TBX15: variants seen among roughly 807,000 people sequenced by gnomAD.
TBX15 encodes T-box transcription factor 15.
TBX15 carries 18 observed loss-of-function variants against 53.9 expected under a neutral mutation model. The ratio of observed to expected loss-of-function variants is 0.33; its 90% CI spans 0.23 to 0.49. The LOEUF (loss-of-function observed/expected upper bound fraction) is 0.49, where lower values mean the gene tolerates loss of function less well. Ranked by LOEUF, TBX15 falls within the 20% of genes least tolerant of loss-of-function variation. The pLI is 0.98. For synonymous variants in TBX15, 295 were observed against 278.0 expected (o/e 1.06, Z -0.61); for missense variants, 692 against 749.5 (o/e 0.92, Z 0.90).
At chr1:118,971,467 T>C (rs1226245845) in intron 1 of TBX15, among the ~76,000 whole-genome samples, 1 of 152,208 alleles carries the variant, frequency 6.6e-6, no homozygotes, top group Non-Finnish European at 1.5e-5. Context: ...GTTTTACAAA[T>C]GTTAACTGAG....
At position 118,969,636 on chromosome 1, in the gene TBX15, G is replaced by A. The variant is rs562399842; in HGVS notation, c.205+17955C>T. 4.0e-3 allele frequency among the ~76,000 whole-genome samples: 612 copies of A among 152,224 alleles called. 1 individual carries two copies. Among genetic ancestry groups the A allele is most frequent in the African/African-American group, 0.014 (566 of 41,528 alleles). ...AGAATAAGAACCATGTTGGAGTGGC[G>A]TTCTCCCAGAAGACACTAGGTCATT... On this transcript the variant is annotated intron_variant, in intron 1 of 7. Transcript: ENST00000369429.
intron 2 of TBX15, 48 bp from the exon 3 acceptor site, chr1:118,926,659 G>A: frequency 6.7e-7 from 1 of 1,493,478 alleles, no homozygotes; most frequent in African/African-American, 1.4e-5. Context: ...GGTGGGAGAA[G>A]TAGCAGGGGT....
At chr1:118,979,812 C>T (rs1345269600) in intron 1 of TBX15, among the ~76,000 whole-genome samples, 1 of 152,174 alleles carries the variant, frequency 6.6e-6, no homozygotes, top group Non-Finnish European at 1.5e-5. Context: ...CGCGATAACC[C>T]CGGGCGCACG....
chr1:118,924,184 A>T (rs576690557), intron 4 of TBX15, among the ~76,000 whole-genome samples: 19 of 152,346 alleles, frequency 1.2e-4, no homozygotes, highest in African/African-American at 3.6e-4. Flanking sequence ...ACTGCCAAAG[A>T]TAAATTAATA....
chr1:118,884,300 T>C lies in TBX15; in HGVS notation c.*432A>G, dbSNP rs1653838999. 4.9e-6 allele frequency: 1 copy of C among 203,906 alleles called. No homozygotes were observed. Among genetic ancestry groups the C allele is most frequent in the Admixed American group, 5.3e-5 (1 of 18,946 alleles). The allele number at this position is 203,906 out of a possible 1,614,324, so 12.6% of individuals were successfully genotyped here. On this transcript the variant is annotated 3_prime_UTR_variant, in exon 8 of 8. Coordinates refer to ENST00000369429, the MANE Select transcript of TBX15 (RefSeq NM_001330677.2). ...CCAGTTCAGAGTCAGTGTGCATGTATGATTGCATGTGTATGAATTGTGTAT... is the reference window on the plus strand; with the variant it reads ...CCAGTTCAGAGTCAGTGTGCATGTACGATTGCATGTGTATGAATTGTGTAT...
intron 1 of TBX15, among the ~76,000 whole-genome samples, chr1:118,951,850 C>T (rs1656525130): frequency 6.6e-6 from 1 of 152,234 alleles, no homozygotes; most frequent in South Asian, 2.1e-4. Flanking sequence ...CCTGTGCCAT[C>T]CCTGGGCAAG....
intron 1 of TBX15, among the ~76,000 whole-genome samples, chr1:118,959,556 T>A (rs903496805): frequency 2.0e-5 from 3 of 152,184 alleles, no homozygotes; most frequent in African/African-American, 7.2e-5. Flanking sequence ...TTACTGCCAC[T>A]GCAGCACCTG....
chr1:118,913,349 A>C (rs561703157), intron 6 of TBX15, among the ~76,000 whole-genome samples: 2 of 152,328 alleles, frequency 1.3e-5, no homozygotes, highest in South Asian at 4.1e-4. Context: ...TTCTGATTGA[A>C]TAATCTTAGA....
intron 1 of TBX15, among the ~76,000 whole-genome samples, chr1:118,932,809 T>C (rs1337852540): frequency 6.6e-6 from 1 of 152,180 alleles, no homozygotes; most frequent in Non-Finnish European, 1.5e-5. Context: ...TGCCAAGAAT[T>C]GTGTGTCCTA....
At chr1:118,972,524 GA>G (rs1381201363) in intron 1 of TBX15, among the ~76,000 whole-genome samples, 2 of 152,170 alleles carry the variant, frequency 1.3e-5, no homozygotes, top group African/African-American at 4.8e-5. Flanking sequence ...GGGCAGCAGT[GA>G]AAAGTAGGCG....
chr1:118,927,588 T>C (rs1232115006), intron 2 of TBX15, among the ~76,000 whole-genome samples: 8 of 152,208 alleles, frequency 5.3e-5, no homozygotes, highest in South Asian at 4.1e-4. Flanking sequence ...CCCTGTGGAA[T>C]TGGAAGCAAA....
rs1165278870 is a variant in TBX15 at position 118,987,784 on chromosome 1, C to T, written c.12G>A (p.Arg4=). 7.7e-6 allele frequency: 12 copies of T among 1,549,792 alleles called. No homozygotes were observed. In the East Asian group the frequency reaches 2.4e-4, roughly 32 times the overall value. The stretch of plus-strand genomic sequence containing the variant: ...AGCTCAGGGCGACTGCAGATCTTCT[C>T]CTTTCACTCATTTTAGCCGCCCACA... MSE[R]RRSAVALSSR... The change falls in exon 1 of 8, where the codon AGG becomes AGA. Residue 4 remains arginine (R), a synonymous_variant. Coordinates refer to ENST00000369429, the MANE Select transcript of TBX15 (RefSeq NM_001330677.2).
At chr1:118,892,673 C>G (rs1654187541) in intron 7 of TBX15, among the ~76,000 whole-genome samples, 1 of 151,992 alleles carries the variant, frequency 6.6e-6, no homozygotes, top group Non-Finnish European at 1.5e-5. Context: ...CATGTTTTTT[C>G]TCCTACTGGG....
intron 2 of TBX15, among the ~76,000 whole-genome samples, chr1:118,929,194 T>G (rs1655700748): frequency 6.6e-6 from 1 of 152,230 alleles, no homozygotes; most frequent in African/African-American, 2.4e-5. Flanking sequence ...ACTCAAAGAC[T>G]GAGGGCTCTA....
chr1:118,947,410 C>T (rs922976685), intron 1 of TBX15, among the ~76,000 whole-genome samples: 1 of 152,142 alleles, frequency 6.6e-6, no homozygotes, highest in Non-Finnish European at 1.5e-5. Context: ...GATTCAGAAT[C>T]AGAAGGTAGG....
chr1:118,915,947 T>C (rs566959486), intron 5 of TBX15, among the ~76,000 whole-genome samples: 1 of 152,342 alleles, frequency 6.6e-6, no homozygotes, highest in Admixed American at 6.5e-5. Context: ...GGAAATTTAA[T>C]AGCAAATGTC....
chr1:118,955,290 C>G (rs1007736032), intron 1 of TBX15, among the ~76,000 whole-genome samples: 1 of 152,018 alleles, frequency 6.6e-6, no homozygotes, highest in Non-Finnish European at 1.5e-5. Context: ...TCTGGAACTG[C>G]TATAGTGATT....
intron 7 of TBX15, among the ~76,000 whole-genome samples, chr1:118,887,547 C>T (rs757322947): frequency 2.2e-4 from 33 of 151,980 alleles, no homozygotes; most frequent in Non-Finnish European, 3.5e-4. Flanking sequence ...TGGTGGTGGG[C>T]GCCTGTAATA....
intron 6 of TBX15, among the ~76,000 whole-genome samples, chr1:118,907,164 A>G (rs1166240251): frequency 6.6e-6 from 1 of 152,132 alleles, no homozygotes; most frequent in Non-Finnish European, 1.5e-5. Context: ...GGGGTGCCAT[A>G]CCAGCTGGAA....
Sources: allele counts gnomAD v4.1 joint callset (sites outside exome capture counted in the v4.1 genomes callset), GRCh38; gene constraint gnomAD v4.1.1; transcripts MANE v1.5; gene names NCBI Gene and HGNC (gene_info 2026-07-23, HGNC 2026-07-21).